RBFOX3: variants seen among roughly 807,000 people sequenced by gnomAD.
RBFOX3 encodes RNA binding fox-1 homolog 3, also known as RNA binding protein fox-1 homolog 3.
A neutral mutation model predicts 48.7 loss-of-function variants in RBFOX3; 17 were observed. The ratio of observed to expected loss-of-function variants is 0.35; its 90% CI spans 0.24 to 0.52. The LOEUF is 0.52. Among genes scored for constraint, RBFOX3 ranks in the 20% least tolerant of loss-of-function variants. RBFOX3 has a pLI of 0.94. For missense variants in RBFOX3, 382 were observed against 497.5 expected (o/e 0.77, Z 2.21); for synonymous variants, 212 against 209.5 (o/e 1.01, Z -0.10).
chr17:79,420,401 A>T (rs1474212481), intron 2 of RBFOX3, among the ~76,000 whole-genome samples: 3 of 152,132 alleles, frequency 2.0e-5, no homozygotes, highest in Non-Finnish European at 4.4e-5. Flanking sequence ...GCCCCCACCC[A>T]CGAAGGGAGC....
In RBFOX3 at chr17:79,423,372, C is replaced by G. The variant is rs1017101415; in HGVS notation, c.-175+59082G>C. On this transcript the variant is annotated intron_variant, in intron 2 of 14. Transcript: ENST00000693108. The surrounding 1 kb of genome is among the most constrained non-coding windows in gnomAD (Gnocchi z 4.9). ...CTTGTGCAGATCCTGCCGCACAGAC[C>G]CCAACCCTACCTCCAGTGTGGTCCG... Among the ~76,000 whole-genome samples the G allele has an allele frequency of 6.6e-6, 1 of 152,134 alleles. No homozygotes were observed. Among genetic ancestry groups the G allele is most frequent in the Non-Finnish European group, 1.5e-5 (1 of 68,028 alleles).
intron 2 of RBFOX3, among the ~76,000 whole-genome samples, chr17:79,412,488 T>C (rs2064573844): frequency 6.6e-6 from 1 of 151,912 alleles, no homozygotes; most frequent in Admixed American, 6.6e-5. Flanking sequence ...CACATATGTA[T>C]ACATGTATGA....
intron 14 of RBFOX3, chr17:79,094,203 T>G (rs1599378650): frequency 2.3e-6 from 1 of 429,456 alleles, no homozygotes. Flanking sequence ...TCAGGCACAT[T>G]GGGGTGCTTT....
chr17:79,429,518 G>A (rs543069206), intron 2 of RBFOX3, among the ~76,000 whole-genome samples: 9 of 152,270 alleles, frequency 5.9e-5, no homozygotes, highest in Middle Eastern at 3.4e-3. Flanking sequence ...TGTATATACA[G>A]TTGCCTCTCA....
intron 3 of RBFOX3, among the ~76,000 whole-genome samples, chr17:79,270,821 G>A (rs1393921878): frequency 6.6e-6 from 1 of 152,248 alleles, no homozygotes; most frequent in Admixed American, 6.5e-5. Context: ...GCATGACCAT[G>A]ACAATACCTT....
intron 4 of RBFOX3, among the ~76,000 whole-genome samples, chr17:79,139,915 G>A (rs564568734): frequency 2.0e-5 from 3 of 152,282 alleles, no homozygotes; most frequent in South Asian, 2.1e-4. Flanking sequence ...GTTACTGATG[G>A]GAAAACTGAC....
In RBFOX3 at chr17:79,204,177, G is replaced by A. The variant is rs968679793; in HGVS notation, c.-34+31589C>T. 1.3e-5 allele frequency among the ~76,000 whole-genome samples: 2 copies of A among 152,128 alleles called. No individual in the cohort carries two copies. The highest frequency in any genetic ancestry group is 1.3e-4 in the Admixed American group (2 of 15,282). ...CCATGACAGCAATAGCTAGAGTTGG[G>A]GTTCAGCACAGGCCAAGGGGGCAAC... On this transcript the variant is annotated intron_variant, in intron 4 of 14. Coordinates refer to ENST00000693108, the MANE Select transcript of RBFOX3 (RefSeq NM_001350451.2). This position sits in a 1 kb window ranked among gnomAD's most constrained non-coding sequence, Gnocchi z 4.5.
intron 2 of RBFOX3, among the ~76,000 whole-genome samples, chr17:79,413,903 G>A (rs1461128608): frequency 1.3e-5 from 2 of 152,184 alleles, no homozygotes; most frequent in East Asian, 3.9e-4. Flanking sequence ...GCCTCATACA[G>A]GCGGGTAGTG....
intron 2 of RBFOX3, among the ~76,000 whole-genome samples, chr17:79,358,845 T>A (rs1169549980): frequency 6.6e-6 from 1 of 152,208 alleles, no homozygotes; most frequent in Non-Finnish European, 1.5e-5. Context: ...TCAGGATCCC[T>A]GGGTTTCTCA....
chr17:79,323,994 T>C (rs754771421), intron 2 of RBFOX3, among the ~76,000 whole-genome samples: 6 of 152,208 alleles, frequency 3.9e-5, no homozygotes, highest in African/African-American at 7.2e-5. Context: ...TTCTGTGGTG[T>C]TGGGTGCAGC....
intron 4 of RBFOX3, among the ~76,000 whole-genome samples, chr17:79,148,091 C>T (rs1054050773): frequency 1.4e-5 from 2 of 143,930 alleles, no homozygotes; most frequent in South Asian, 2.1e-4. Context: ...CCCCAGGGTG[C>T]GTGCGGCCCT....
intron 1 of RBFOX3, among the ~76,000 whole-genome samples, chr17:79,493,735 G>A (rs1280227076): frequency 1.3e-5 from 2 of 152,196 alleles, no homozygotes; most frequent in Non-Finnish European, 2.9e-5. Context: ...CCAAGTGCAT[G>A]ATATATCCTA....
chr17:79,227,911 C>CT (rs2060510535), intron 4 of RBFOX3, among the ~76,000 whole-genome samples: 1 of 152,206 alleles, frequency 6.6e-6, no homozygotes, highest in South Asian at 2.1e-4. Context: ...GGTACTGCAG[C>CT]TTTTTAGCCA....
chr17:79,396,988 G>A (rs2062070050), intron 2 of RBFOX3, among the ~76,000 whole-genome samples: 1 of 152,250 alleles, frequency 6.6e-6, no homozygotes, highest in Admixed American at 6.5e-5. Flanking sequence ...ACCAGGCTAA[G>A]CCGCAGAGCC....
chr17:79,490,261 CATT>C (rs1259556807), intron 1 of RBFOX3, among the ~76,000 whole-genome samples: 2 of 152,170 alleles, frequency 1.3e-5, no homozygotes, highest in African/African-American at 4.8e-5. Flanking sequence ...TGAAATGTTA[CATT>C]ATTCAACGTA....
chr17:79,216,236 G>A (rs888565551), intron 4 of RBFOX3, among the ~76,000 whole-genome samples: 4 of 152,252 alleles, frequency 2.6e-5, no homozygotes, highest in East Asian at 1.9e-4. Flanking sequence ...TAGGTGAGGC[G>A]AGCTGAGACG....
chr17:79,090,856 G>A lies in RBFOX3; in HGVS notation c.*27C>T. 5.3e-6 allele frequency: 8 copies of A among 1,510,930 alleles called. No individual in the cohort carries two copies. The highest frequency in any genetic ancestry group is 7.1e-6 in the Non-Finnish European group (8 of 1,131,562). 93.6% of individuals were successfully genotyped at this position (1,510,930 alleles called of 1,614,324 possible). A position where few individuals can be genotyped will look rare whatever the true frequency, so the allele number is the denominator to read the frequency against. On this transcript the variant is annotated 3_prime_UTR_variant, in exon 15 of 15. Transcript: ENST00000693108. ...TTGTTTTTTTGTTTTTGCCCTTCAT[G>A]GTCCGAGAAGGAAACGGTGGAAGGT...
chr17:79,159,695 GACAC>G (rs968197766), intron 4 of RBFOX3, among the ~76,000 whole-genome samples: 20 of 152,128 alleles, frequency 1.3e-4, no homozygotes, highest in African/African-American at 4.3e-4. Context: ...GCAGCTGGGG[GACAC>G]ACACACAGAG....
rs2062741902 is a variant in RBFOX3 at position 79,243,792 on chromosome 17, G to A, written c.-73-7987C>T. On this transcript the variant is annotated intron_variant, in intron 3 of 14. Coordinates refer to ENST00000693108, the MANE Select transcript of RBFOX3 (RefSeq NM_001350451.2). This position sits in a 1 kb window ranked among gnomAD's most constrained non-coding sequence, Gnocchi z 7.9. Reference sequence around the variant, plus strand: ...AGCCCAGAGAAGGAATTTTGCCAAGGTTGACACAGCTTCCAAAGGGCAGAG... The same window carrying A: ...AGCCCAGAGAAGGAATTTTGCCAAGATTGACACAGCTTCCAAAGGGCAGAG... Among the ~76,000 whole-genome samples the A allele has an allele frequency of 6.6e-6, 1 of 152,112 alleles. No homozygotes were observed. Among genetic ancestry groups the A allele is most frequent in the African/African-American group, 2.4e-5 (1 of 41,412 alleles).
Sources: allele counts gnomAD v4.1 joint callset (sites outside exome capture counted in the v4.1 genomes callset), GRCh38; gene constraint gnomAD v4.1.1; non-coding constraint Gnocchi (gnomAD v3.1); transcripts MANE v1.5; gene names NCBI Gene and HGNC (gene_info 2026-07-23, HGNC 2026-07-21).